Variants in KCNIP4 observed in about 807,000 individuals in gnomAD.
KCNIP4 encodes potassium voltage-gated channel interacting protein 4.
Under a neutral mutation model 34.0 loss-of-function variants are expected in KCNIP4, and 12 were observed. The observed-to-expected ratio is 0.35, with a 90% CI of 0.23 to 0.57. KCNIP4 has a LOEUF of 0.57. Ranked by LOEUF, KCNIP4 falls within the 20% of genes least tolerant of loss-of-function variation. The pLI, the probability that KCNIP4 is intolerant of heterozygous loss-of-function variation, is 0.83. For synonymous variants in KCNIP4, 124 were observed against 102.2 expected (o/e 1.21, Z -1.29); for missense variants, 238 against 311.7 (o/e 0.76, Z 1.78).
At chr4:20,805,529 A>G (rs1422477224) in intron 3 of KCNIP4, among the ~76,000 whole-genome samples, 1 of 152,088 alleles carries the variant, frequency 6.6e-6, no homozygotes, top group East Asian at 1.9e-4. Context: ...GAATATAGCA[A>G]TATTTGACCA....
In KCNIP4 at chr4:20,988,000, C is replaced by CAAAAAAAAA. The variant is rs36044149; in HGVS notation, c.62-105300_62-105292dup. Among the ~76,000 whole-genome samples, 54 of 46,322 alleles carry CAAAAAAAAA rather than the reference C, an allele frequency of 1.2e-3. 4 individuals are homozygous for CAAAAAAAAA. Among genetic ancestry groups the CAAAAAAAAA allele is most frequent in the African/African-American group, 3.0e-3 (36 of 11,808 alleles). The allele number at this position is 46,322 out of a possible 152,430, so 30.4% of individuals were successfully genotyped here. ...TGGGCGACACGGCGAGATTCCATCT[C>CAAAAAAAAA]AAAAAAAAAAAAAAAAAAAAAATTA... On this transcript the variant is annotated intron_variant, in intron 1 of 8. Transcript: ENST00000382152.
intron 1 of KCNIP4, among the ~76,000 whole-genome samples, chr4:21,000,165 T>C (rs1192364511): frequency 1.3e-5 from 2 of 152,242 alleles, no homozygotes; most frequent in Admixed American, 6.5e-5. Flanking sequence ...GATCTGCAGC[T>C]AACATGCAAA....
intron 3 of KCNIP4, among the ~76,000 whole-genome samples, chr4:20,793,088 TAGTA>T (rs1031304690): frequency 6.6e-6 from 1 of 152,202 alleles, no homozygotes; most frequent in Non-Finnish European, 1.5e-5. Flanking sequence ...GGGGAAAAGA[TAGTA>T]AGTATTTATA....
chr4:21,563,462 G>T (rs755511659), intron 1 of KCNIP4, among the ~76,000 whole-genome samples: 1 of 152,034 alleles, frequency 6.6e-6, no homozygotes, highest in Non-Finnish European at 1.5e-5. Context: ...TGCATTACTT[G>T]CATTACATAT....
intron 1 of KCNIP4, chr4:21,304,042 AG>A: frequency 2.1e-6 from 1 of 480,120 alleles, no homozygotes; most frequent in Non-Finnish European, 2.7e-6. Flanking sequence ...AGAGAGAGAG[AG>A]AGAGAGAGAG....
At chr4:20,810,448 AG>A (rs1269004311) in intron 3 of KCNIP4, among the ~76,000 whole-genome samples, 3 of 120,748 alleles carry the variant, frequency 2.5e-5, no homozygotes, top group Non-Finnish European at 3.4e-5. Context: ...AGTACAGGGC[AG>A]GGGGGAGGAA....
intron 1 of KCNIP4, among the ~76,000 whole-genome samples, chr4:21,881,565 T>G (rs1726463483): frequency 6.6e-6 from 1 of 152,162 alleles, no homozygotes; most frequent in South Asian, 2.1e-4. Context: ...GTGAATAGAC[T>G]AAATTGCCTT....
At chr4:20,941,898 G>C (rs984054219) in intron 1 of KCNIP4, among the ~76,000 whole-genome samples, 38 of 151,966 alleles carry the variant, frequency 2.5e-4, no homozygotes, top group African/African-American at 8.9e-4. Flanking sequence ...ATTTTGCTTT[G>C]GGCAGACCTG....
intron 1 of KCNIP4, among the ~76,000 whole-genome samples, chr4:21,531,958 GAAGT>G (rs1324061970): frequency 2.0e-5 from 3 of 152,074 alleles, no homozygotes; most frequent in Non-Finnish European, 4.4e-5. Context: ...ATAATTATAT[GAAGT>G]AAGTTAGGAA....
intron 1 of KCNIP4, among the ~76,000 whole-genome samples, chr4:21,091,230 G>T (rs11945600): frequency 3.9e-5 from 6 of 152,122 alleles, no homozygotes; most frequent in Admixed American, 1.3e-4. Flanking sequence ...ACAAGCACTT[G>T]GCTAGCTTCT....
intron 1 of KCNIP4, among the ~76,000 whole-genome samples, chr4:21,555,253 G>A (rs1738916918): frequency 6.6e-6 from 1 of 152,136 alleles, no homozygotes; most frequent in African/African-American, 2.4e-5. Context: ...AATCATCAAT[G>A]CAGAGAGCTG....
chr4:21,440,272 C>T (rs1032733197), intron 1 of KCNIP4, among the ~76,000 whole-genome samples: 1 of 152,170 alleles, frequency 6.6e-6, no homozygotes, highest in African/African-American at 2.4e-5. Context: ...TGAGTAGAAC[C>T]TTTACATGTG....
chr4:20,948,472 G>C lies in KCNIP4; in HGVS notation c.62-65763C>G, dbSNP rs149288181. 1.6e-4 allele frequency among the ~76,000 whole-genome samples: 25 copies of C among 152,298 alleles called. No homozygotes were observed. In the East Asian group the frequency reaches 3.9e-3, roughly 24 times the overall value. On this transcript the variant is annotated intron_variant, in intron 1 of 8. Transcript: ENST00000382152. ...GCCAGCTTTGAGGGGGCTCTTATCCGGGAGAGGAGAGATATTACCCACCAC... is the reference window on the plus strand; with the variant it reads ...GCCAGCTTTGAGGGGGCTCTTATCCCGGAGAGGAGAGATATTACCCACCAC...
In KCNIP4 at chr4:21,783,859, G is replaced by A. The variant is rs116247030; in HGVS notation, c.61+164712C>T. Among the ~76,000 whole-genome samples, 541 of 149,938 alleles carry A rather than the reference G, an allele frequency of 3.6e-3. 5 individuals carry two copies. Among genetic ancestry groups the A allele is most frequent in the Admixed American group, 0.013 (200 of 15,228 alleles). ...TCACATCAGTTTTGCACATATCAAC[G>A]GATAAGGTACAAAACTGAAATATCA... On this transcript the variant is annotated intron_variant, in intron 1 of 8. Coordinates refer to ENST00000382152, the MANE Select transcript of KCNIP4 (RefSeq NM_025221.6).
chr4:20,885,956 A>T (rs1725259095), intron 1 of KCNIP4, among the ~76,000 whole-genome samples: 1 of 152,188 alleles, frequency 6.6e-6, no homozygotes, highest in African/African-American at 2.4e-5. Context: ...AAAACCTTAT[A>T]GGGCAAACCA....
intron 1 of KCNIP4, among the ~76,000 whole-genome samples, chr4:21,821,094 A>G (rs1345539612): frequency 6.6e-6 from 1 of 152,160 alleles, no homozygotes; most frequent in Admixed American, 6.6e-5. Flanking sequence ...TGCAGTTCTC[A>G]GTGTTAGCAA....
chr4:21,241,315 T>A (rs962467047), intron 1 of KCNIP4, among the ~76,000 whole-genome samples: 46 of 145,428 alleles, frequency 3.2e-4, no homozygotes, highest in African/African-American at 1.2e-3. Flanking sequence ...GACTTAAAAA[T>A]TTTTTTTCTA....
chr4:20,773,165 C>A (rs1053106153), intron 3 of KCNIP4, among the ~76,000 whole-genome samples: 1 of 152,166 alleles, frequency 6.6e-6, no homozygotes, highest in Non-Finnish European at 1.5e-5. Context: ...CCACTCATAT[C>A]ACTTACTAGC....
rs147367737 is a variant in KCNIP4, at chr4:21,401,839, C to T, written c.62-519130G>A. Among the ~76,000 whole-genome samples, 1,487 of 152,270 alleles carry T rather than the reference C, an allele frequency of 9.8e-3. 28 individuals are homozygous for T. The highest frequency in any genetic ancestry group is 0.034 in the African/African-American group (1,410 of 41,548). ...CTAGAAAACAGAGGTTCTAGGCAAGCATGAGGAAAGTCCTTTAATGAAGGA... is the reference window on the plus strand; with the variant it reads ...CTAGAAAACAGAGGTTCTAGGCAAGTATGAGGAAAGTCCTTTAATGAAGGA... On this transcript the variant is annotated intron_variant, in intron 1 of 8. Coordinates refer to ENST00000382152, the MANE Select transcript of KCNIP4 (RefSeq NM_025221.6).
Sources: allele counts gnomAD v4.1 joint callset (sites outside exome capture counted in the v4.1 genomes callset), GRCh38; gene constraint gnomAD v4.1.1; transcripts MANE v1.5; gene names NCBI Gene and HGNC (gene_info 2026-07-23, HGNC 2026-07-21).